MAEA: variants seen among roughly 807,000 people sequenced by gnomAD.
MAEA encodes the protein E3 ubiquitin-protein transferase MAEA.
A neutral mutation model predicts 46.2 loss-of-function variants in MAEA; 22 were observed. That is an observed-to-expected ratio of 0.48 (90% CI 0.34 to 0.68). The LOEUF (loss-of-function observed/expected upper bound fraction) is 0.68, where lower values mean the gene tolerates loss of function less well. Ranked by LOEUF, MAEA falls within the 30% of genes least tolerant of loss-of-function variation. MAEA has a pLI of 0.01. For synonymous variants in MAEA, 246 were observed against 222.6 expected (o/e 1.11, Z -0.94); for missense variants, 393 against 558.1 (o/e 0.70, Z 2.98).
At chr4:1,316,909 A>G (rs1737252527) in intron 3 of MAEA, among the ~76,000 whole-genome samples, 1 of 143,904 alleles carries the variant, frequency 6.9e-6, no homozygotes, top group South Asian at 2.2e-4. Flanking sequence ...GCCTTGCGGC[A>G]CTCCAGACTC....
chr4:1,329,605 G>T, intron 5 of MAEA: 1 of 985,526 alleles, frequency 1.0e-6, no homozygotes. Flanking sequence ...GGCCGTCTTG[G>T]GAGTGGTTCT....
chr4:1,299,022 CG>C (rs1735056434), intron 1 of MAEA, among the ~76,000 whole-genome samples: 4 of 152,058 alleles, frequency 2.6e-5, no homozygotes, highest in Admixed American at 2.6e-4. Context: ...ACTGGGACCA[CG>C]GGCGCCTGCT....
At chr4:1,321,485 A>G (rs1419938550) in intron 3 of MAEA, among the ~76,000 whole-genome samples, 1 of 152,240 alleles carries the variant, frequency 6.6e-6, no homozygotes, top group East Asian at 1.9e-4. Context: ...ATGAAAGAAA[A>G]GGTGCAAGAA....
At chr4:1,314,173 C>CA (rs1227532655) in intron 2 of MAEA, among the ~76,000 whole-genome samples, 2 of 149,374 alleles carry the variant, frequency 1.3e-5, no homozygotes, top group Non-Finnish European at 2.9e-5. Flanking sequence ...ATTAAAAATA[C>CA]AAAAAAATTA....
intron 1 of MAEA, chr4:1,309,529 C>G (rs1477817273): frequency 2.9e-5 from 40 of 1,384,414 alleles, no homozygotes; most frequent in Non-Finnish European, 9.4e-6. Flanking sequence ...GGGGGTGCTG[C>G]GCTCATCCCC....
At chr4:1,316,415 G>C (rs900426894) in intron 3 of MAEA, among the ~76,000 whole-genome samples, 41 of 151,892 alleles carry the variant, frequency 2.7e-4, no homozygotes, top group Admixed American at 2.2e-3. Flanking sequence ...TGGGAGCACA[G>C]CCTCACCTGA....
intron 1 of MAEA, among the ~76,000 whole-genome samples, chr4:1,295,665 G>A (rs1734565809): frequency 1.3e-5 from 1 of 77,066 alleles, no homozygotes; most frequent in African/African-American, 5.1e-5. Flanking sequence ...ACCCGCTCCT[G>A]TACCCCCTCA....
intron 6 of MAEA, chr4:1,335,078 G>A: frequency 1.0e-6 from 1 of 985,354 alleles, no homozygotes; most frequent in Non-Finnish European, 1.2e-6. Flanking sequence ...GGGTTGATGT[G>A]AAGGTTTTTC....
chr4:1,293,042 C>T (rs958449900), intron 1 of MAEA, among the ~76,000 whole-genome samples: 2 of 151,844 alleles, frequency 1.3e-5, no homozygotes, highest in Non-Finnish European at 2.9e-5. Context: ...TACAGGCACC[C>T]GCCACCATGC....
intron 5 of MAEA, chr4:1,329,704 G>A: frequency 3.0e-6 from 3 of 985,884 alleles, no homozygotes; most frequent in Non-Finnish European, 3.6e-6. Context: ...CTGGGCTGGG[G>A]TGGCAGGTGG....
chr4:1,311,655 C>T lies in MAEA; in HGVS notation c.70-324C>T, dbSNP rs555015317. On this transcript the variant is annotated intron_variant, in intron 1 of 8. Coordinates refer to ENST00000303400, the MANE Select transcript of MAEA (RefSeq NM_001017405.3). The surrounding 1 kb of genome is among the most constrained non-coding windows in gnomAD (Gnocchi z 4.4). ...GTTTTACCGTCTGATAGCCTCACAC[C>T]CCGGTCACTCCTCTCCTGTTTGGAA... Among the ~76,000 whole-genome samples, 23 of 152,292 alleles carry T rather than the reference C, an allele frequency of 1.5e-4. No individual in the cohort carries two copies. The highest frequency in any genetic ancestry group is 1.5e-5 in the Non-Finnish European group (1 of 68,032).
intron 2 of MAEA, 101 bp downstream of exon 2, chr4:1,312,262 G>C: frequency 2.1e-6 from 3 of 1,437,736 alleles, no homozygotes; most frequent in South Asian, 2.5e-5. Flanking sequence ...ATGGGAACGC[G>C]GGAGGTGCGG....
intron 5 of MAEA, chr4:1,329,017 G>C: frequency 2.0e-6 from 2 of 986,322 alleles, no homozygotes; most frequent in Non-Finnish European, 2.4e-6. Flanking sequence ...CTCGGTGCCT[G>C]TGTCGCTGGC....
intron 3 of MAEA, among the ~76,000 whole-genome samples, chr4:1,316,398 C>A (rs941879189): frequency 3.3e-5 from 5 of 151,830 alleles, no homozygotes; most frequent in African/African-American, 1.2e-4. Context: ...CTGTCCAGAT[C>A]CTGCTGTGGG....
intron 1 of MAEA, chr4:1,299,727 A>G (rs1457107833): frequency 6.6e-6 from 1 of 152,016 alleles, no homozygotes; most frequent in African/African-American, 2.4e-5. Flanking sequence ...CCTCACCTTC[A>G]ATCTTTGCCA....
intron 5 of MAEA, chr4:1,329,305 T>C (rs1400634636): frequency 2.0e-6 from 2 of 982,668 alleles, no homozygotes; most frequent in Non-Finnish European, 1.2e-6. Context: ...TTGCCTGTGT[T>C]CCCCCCGCTC....
chr4:1,318,171 G>A (rs1204520062), intron 3 of MAEA, among the ~76,000 whole-genome samples: 4 of 152,262 alleles, frequency 2.6e-5, no homozygotes, highest in Non-Finnish European at 4.4e-5. Context: ...TGCCTGGGGC[G>A]GCCCCCCGTG....
intron 1 of MAEA, among the ~76,000 whole-genome samples, chr4:1,304,695 TC>T (rs544049414): frequency 4.7e-4 from 71 of 152,274 alleles, no homozygotes; most frequent in Non-Finnish European, 7.4e-5. Flanking sequence ...CACCTCGGCC[TC>T]CCAAAGTGCT....
rs188882216 is a variant in MAEA, at chr4:1,301,226, G to T, written c.70-10753G>T. Among the ~76,000 whole-genome samples the T allele has an allele frequency of 1.8e-4, 28 of 152,366 alleles. No homozygotes were observed. In the East Asian group the frequency reaches 5.2e-3, roughly 28 times the overall value. On this transcript the variant is annotated intron_variant, in intron 1 of 8. Transcript: ENST00000303400. ...AGAAGCACGGCAAACGCTGGAGAAG[G>T]TTTGAGGAAGCGCATCCTGAAGCTG...
Sources: allele counts gnomAD v4.1 joint callset (sites outside exome capture counted in the v4.1 genomes callset), GRCh38; gene constraint gnomAD v4.1.1; non-coding constraint Gnocchi (gnomAD v3.1); transcripts MANE v1.5; gene names NCBI Gene and HGNC (gene_info 2026-07-23, HGNC 2026-07-21).